TDP1: variants seen among roughly 807,000 people sequenced by gnomAD.
TDP1 encodes the protein tyrosyl-DNA phosphodiesterase 1.
A neutral mutation model predicts 81.5 loss-of-function variants in TDP1; 64 were observed. The ratio of observed to expected loss-of-function variants is 0.79; its 90% CI spans 0.64 to 0.97. TDP1 has a LOEUF of 0.97. Ranked by LOEUF, TDP1 falls within the 50% of genes least tolerant of loss-of-function variation. The pLI is 0.00. For synonymous variants in TDP1, 256 were observed against 264.3 expected (o/e 0.97, Z 0.30); for missense variants, 723 against 743.8 (o/e 0.97, Z 0.33).
At chr14:90,042,160 AATT>A (rs1467844936) in intron 16 of TDP1, among the ~76,000 whole-genome samples, 56 of 152,214 alleles carry the variant, frequency 3.7e-4, no homozygotes, top group Non-Finnish European at 1.5e-5. Context: ...ATGTTTCATC[AATT>A]ATTAACCCTT....
intron 10 of TDP1, 77 bp from the exon 11 acceptor site, chr14:89,988,828 A>T: frequency 6.3e-7 from 1 of 1,596,250 alleles, no homozygotes; most frequent in South Asian, 1.1e-5. Context: ...CAAGAGCAGA[A>T]AACTGTTTTC....
intron 16 of TDP1, among the ~76,000 whole-genome samples, chr14:90,034,699 A>G (rs1887646969): frequency 6.6e-6 from 1 of 152,264 alleles, no homozygotes; most frequent in Non-Finnish European, 1.5e-5. Flanking sequence ...AGAGGCCCAC[A>G]TAGCCAAATT....
At chr14:89,961,908 A>G (rs1480373689) in intron 2 of TDP1, among the ~76,000 whole-genome samples, 1 of 152,198 alleles carries the variant, frequency 6.6e-6, no homozygotes, top group Non-Finnish European at 1.5e-5. Context: ...AGCACAGACT[A>G]CTGAGTTTTG....
chr14:89,980,785 G>A (rs984834869), intron 8 of TDP1, 153 bp downstream of exon 8: 7 of 701,274 alleles, frequency 1.0e-5, no homozygotes, highest in African/African-American at 1.8e-5. Context: ...AAAAGTTACT[G>A]TATTCTTTTA....
intron 16 of TDP1, among the ~76,000 whole-genome samples, chr14:90,035,733 C>CTTTTTTTTTTTTTTTTTT (rs543354253): frequency 7.2e-6 from 1 of 139,060 alleles, no homozygotes; most frequent in African/African-American, 2.8e-5. Flanking sequence ...CCTTTTCTTC[C>CTTTTTTTTTTTTTTTTTT]TTTTTTTTTT....
intron 16 of TDP1, among the ~76,000 whole-genome samples, chr14:90,039,549 G>T (rs36082963): frequency 6.6e-6 from 1 of 152,074 alleles, no homozygotes; most frequent in South Asian, 2.1e-4. Context: ...GTGGGTGTTC[G>T]GGCATGGGGG....
chr14:89,980,691 G>A (rs1776637269), intron 8 of TDP1, 59 bp downstream of exon 8: 14 of 1,325,802 alleles, frequency 1.1e-5, no homozygotes, highest in Non-Finnish European at 1.5e-5. Flanking sequence ...TCAAAAGCCA[G>A]AACATTCACT....
At chr14:90,035,756 G>GTTTT (rs1887758323) in intron 16 of TDP1, among the ~76,000 whole-genome samples, 1 of 113,614 alleles carries the variant, frequency 8.8e-6, no homozygotes. Context: ...TTTAACCCAA[G>GTTTT]TTCTCCTCCT....
chr14:89,976,126 G>A (rs1894284037), intron 7 of TDP1, among the ~76,000 whole-genome samples: 1 of 152,116 alleles, frequency 6.6e-6, no homozygotes, highest in Non-Finnish European at 1.5e-5. Context: ...AATTTTTCAA[G>A]ATGTGGTCTC....
intron 6 of TDP1, among the ~76,000 whole-genome samples, chr14:89,971,587 A>T (rs755334196): frequency 6.6e-6 from 1 of 152,216 alleles, no homozygotes; most frequent in Non-Finnish European, 1.5e-5. Context: ...TGATTCATAT[A>T]TCTAAAGTGA....
chr14:89,993,716 G>C (rs887037647), intron 14 of TDP1, among the ~76,000 whole-genome samples: 7 of 152,310 alleles, frequency 4.6e-5, no homozygotes, highest in Non-Finnish European at 8.8e-5. Flanking sequence ...TTTGCATAAA[G>C]TTAACATTTA....
At chr14:90,042,460 A>G (rs1888451920) in intron 16 of TDP1, among the ~76,000 whole-genome samples, 1 of 152,190 alleles carries the variant, frequency 6.6e-6, no homozygotes, top group Non-Finnish European at 1.5e-5. Flanking sequence ...AGTAAGTGGC[A>G]GCACCAGGAT....
chr14:89,988,755 A>G (rs908482698), intron 10 of TDP1, 150 bp from the exon 11 acceptor site: 45 of 1,497,230 alleles, frequency 3.0e-5, no homozygotes, highest in Non-Finnish European at 3.2e-5. Flanking sequence ...AAGAAGAAGT[A>G]TGTATGTGTG....
Position 89,963,460 on chromosome 14 carries a change from A to T in TDP1, c.346A>T (p.Ile116Phe). Residue 116 changes from isoleucine to phenylalanine, a missense_variant, in exon 3 of 17, where the codon ATC (isoleucine) becomes TTC (phenylalanine). By Grantham distance (21) the Ile-to-Phe change is conservative. Transcript: ENST00000335725. Reference protein sequence around the residue: ...EKVVIKKEKDISAPNDGTAQR... With the variant: ...EKVVIKKEKDFSAPNDGTAQR... ...AGTGGTGATCAAAAAGGAGAAAGAC[A>T]TCTCTGCTCCCAATGACGGCACTGC... The T allele has an allele frequency of 1.2e-6, 2 of 1,611,882 alleles. No individual in the cohort carries two copies. Among genetic ancestry groups the T allele is most frequent in the Non-Finnish European group, 1.7e-6 (2 of 1,178,700 alleles).
At chr14:89,988,153 G>A (rs1198225060) in intron 10 of TDP1, among the ~76,000 whole-genome samples, 1 of 152,212 alleles carries the variant, frequency 6.6e-6, no homozygotes, top group East Asian at 1.9e-4. Flanking sequence ...GGGGCACAGA[G>A]CTTTCATGCC....
chr14:90,003,778 C>T (rs1202992445), intron 14 of TDP1, among the ~76,000 whole-genome samples: 1 of 152,162 alleles, frequency 6.6e-6, no homozygotes, highest in Non-Finnish European at 1.5e-5. Context: ...CGGGAGAAAA[C>T]GAGACAAGTG....
At chr14:90,042,191 A>C (rs955600739) in intron 16 of TDP1, among the ~76,000 whole-genome samples, 7 of 152,252 alleles carry the variant, frequency 4.6e-5, no homozygotes, top group African/African-American at 1.7e-4. Flanking sequence ...GAACAAAAAC[A>C]TTTTATAAAT....
intron 11 of TDP1, chr14:89,989,402 A>G: frequency 2.0e-6 from 2 of 984,954 alleles, no homozygotes; most frequent in Non-Finnish European, 2.4e-6. Flanking sequence ...TATTTGATGT[A>G]GCACAGCCAG....
At chr14:90,041,984 CATAGAGGAGG>C (rs1555399220) in intron 16 of TDP1, among the ~76,000 whole-genome samples, 3 of 152,170 alleles carry the variant, frequency 2.0e-5, no homozygotes, top group Non-Finnish European at 4.4e-5. Flanking sequence ...ATTCCCATTC[CATAGAGGAGG>C]AACTTGATGC....
Sources: allele counts gnomAD v4.1 joint callset (sites outside exome capture counted in the v4.1 genomes callset), GRCh38; gene constraint gnomAD v4.1.1; transcripts MANE v1.5; gene names NCBI Gene and HGNC (gene_info 2026-07-23, HGNC 2026-07-21).